The following PCDH9 variants were observed in gnomAD, a reference collection of about 807,000 sequenced individuals.
PCDH9 encodes protocadherin-9.
PCDH9 carries 24 observed loss-of-function variants against 70.6 expected under a neutral mutation model. That is an observed-to-expected ratio of 0.34 (90% CI 0.25 to 0.48). The LOEUF (loss-of-function observed/expected upper bound fraction) is 0.48, where lower values mean the gene tolerates loss of function less well. Ranked by LOEUF, PCDH9 falls within the 20% of genes least tolerant of loss-of-function variation. PCDH9 has a pLI of 0.99. For synonymous variants in PCDH9, 562 were observed against 558.5 expected, an observed-to-expected ratio of 1.01 and a Z score of -0.09; for missense variants, 1,281 against 1,503.6, an observed-to-expected ratio of 0.85 and a Z score of 2.45.
intron 4 of PCDH9, among the ~76,000 whole-genome samples, chr13:66,492,341 A>G (rs1410127347): frequency 6.6e-6 from 1 of 151,428 alleles, no homozygotes; most frequent in Non-Finnish European, 1.5e-5. Context: ...TTTTTCTCCA[A>G]TCAATATATA....
At chr13:66,789,911 A>G (rs1391362449) in intron 3 of PCDH9, among the ~76,000 whole-genome samples, 2 of 152,150 alleles carry the variant, frequency 1.3e-5, no homozygotes, top group Non-Finnish European at 2.9e-5. Flanking sequence ...TCAGCAAAAA[A>G]TTCTGTCTAT....
At chr13:67,091,543 G>T (rs1195718435) in intron 2 of PCDH9, among the ~76,000 whole-genome samples, 1 of 152,124 alleles carries the variant, frequency 6.6e-6, no homozygotes, top group East Asian at 1.9e-4. Flanking sequence ...TGAGATGGCA[G>T]CCACAGCCTT....
chr13:66,485,738 T>G (rs1411256307), intron 4 of PCDH9, among the ~76,000 whole-genome samples: 2 of 151,986 alleles, frequency 1.3e-5, no homozygotes, highest in Non-Finnish European at 2.9e-5. Context: ...ATTTATTTAT[T>G]TTTTATTTTT....
intron 2 of PCDH9, among the ~76,000 whole-genome samples, chr13:66,992,533 C>T (rs2084024182): frequency 1.3e-5 from 2 of 152,168 alleles, no homozygotes; most frequent in Non-Finnish European, 1.5e-5. Flanking sequence ...TATATGTCAG[C>T]ACACTTCTGT....
At chr13:66,839,411 G>T (rs937408869) in intron 3 of PCDH9, among the ~76,000 whole-genome samples, 1 of 152,172 alleles carries the variant, frequency 6.6e-6, no homozygotes, top group African/African-American at 2.4e-5. Flanking sequence ...TTTCTAGTCA[G>T]TCAGGCTACA....
intron 2 of PCDH9, among the ~76,000 whole-genome samples, chr13:66,955,757 A>C (rs1314001276): frequency 6.6e-6 from 1 of 152,180 alleles, no homozygotes; most frequent in Non-Finnish European, 1.5e-5. Flanking sequence ...TCAAGGGAGA[A>C]ATTGCGTTTG....
intron 2 of PCDH9, among the ~76,000 whole-genome samples, chr13:67,125,382 G>A (rs938316647): frequency 6.6e-6 from 1 of 152,170 alleles, no homozygotes; most frequent in East Asian, 1.9e-4. Flanking sequence ...GTGTATGGGG[G>A]TGTAGGACAT....
At chr13:66,594,783 A>T (rs2077081824) in intron 4 of PCDH9, among the ~76,000 whole-genome samples, 1 of 151,704 alleles carries the variant, frequency 6.6e-6, no homozygotes, top group Non-Finnish European at 1.5e-5. Context: ...TAGTTTGCAG[A>T]GGATAATGGC....
chr13:67,004,684 C>G (rs935922880), intron 2 of PCDH9, among the ~76,000 whole-genome samples: 2 of 151,896 alleles, frequency 1.3e-5, no homozygotes, highest in Non-Finnish European at 2.9e-5. Flanking sequence ...TCCATGGAGT[C>G]CAGGTTGGAA....
chr13:66,729,536 A>G, intron 3 of PCDH9, among the ~76,000 whole-genome samples: 1 of 152,160 alleles, frequency 6.6e-6, no homozygotes, highest in Non-Finnish European at 1.5e-5. Context: ...AAACTTCTCA[A>G]AATGTTTTAC....
chr13:66,942,193 A>G (rs1167113385), intron 2 of PCDH9, among the ~76,000 whole-genome samples: 1 of 151,956 alleles, frequency 6.6e-6, no homozygotes, highest in Non-Finnish European at 1.5e-5. Flanking sequence ...TTTATACCAG[A>G]AAATATTCCT....
chr13:66,597,255 G>GA (rs891178868), intron 4 of PCDH9, among the ~76,000 whole-genome samples: 10 of 151,410 alleles, frequency 6.6e-5, no homozygotes, highest in African/African-American at 2.2e-4. Context: ...TACAGAAATG[G>GA]AAAAAAATCC....
At chr13:67,151,677 T>C (rs2087665148) in intron 2 of PCDH9, among the ~76,000 whole-genome samples, 1 of 151,500 alleles carries the variant, frequency 6.6e-6, no homozygotes, top group Non-Finnish European at 1.5e-5. Context: ...GCTTTTGCTC[T>C]ATACTTAGAG....
At chr13:66,882,042 T>A (rs977077500) in intron 3 of PCDH9, among the ~76,000 whole-genome samples, 1 of 152,224 alleles carries the variant, frequency 6.6e-6, no homozygotes, top group Admixed American at 6.5e-5. Context: ...TAACTTACTA[T>A]TGTATTGAAT....
intron 3 of PCDH9, among the ~76,000 whole-genome samples, chr13:66,806,048 T>C (rs1282510178): frequency 6.6e-6 from 1 of 152,116 alleles, no homozygotes; most frequent in Non-Finnish European, 1.5e-5. Context: ...TTTTAATAGT[T>C]CTAATCCAGG....
chr13:66,601,059 C>T (rs1301747568), intron 4 of PCDH9, among the ~76,000 whole-genome samples: 1 of 144,946 alleles, frequency 6.9e-6, no homozygotes, highest in East Asian at 1.9e-4. Context: ...TGAAGTCAGG[C>T]TATGAGAAAA....
chr13:66,580,346 T>C (rs890545116), intron 4 of PCDH9, among the ~76,000 whole-genome samples: 1 of 151,982 alleles, frequency 6.6e-6, no homozygotes, highest in African/African-American at 2.4e-5. Flanking sequence ...TCTAGTGTTA[T>C]ATTCAGTTTT....
In PCDH9 at chr13:67,022,106, C is replaced by CTTTT. The variant is rs71110623; in HGVS notation, c.3037-118505_3037-118502dup. 2.0e-4 allele frequency among the ~76,000 whole-genome samples: 7 copies of CTTTT among 35,408 alleles called. 3 individuals are homozygous for CTTTT. Among genetic ancestry groups the CTTTT allele is most frequent in the African/African-American group, 9.0e-4 (7 of 7,782 alleles). 23.2% of individuals were successfully genotyped at this position (35,408 alleles called of 152,430 possible). ...GTCAAAGGGTGGACAAGGTGATGTT[C>CTTTT]TTTTTTTTTTTTTTTTTTTTTTTTT... On this transcript the variant is annotated intron_variant, in intron 2 of 4. Transcript: ENST00000377865.
chr13:66,814,908 T>C (rs1377320265), intron 3 of PCDH9, among the ~76,000 whole-genome samples: 1 of 151,886 alleles, frequency 6.6e-6, no homozygotes, highest in Non-Finnish European at 1.5e-5. Context: ...AATTAACAAA[T>C]GAAACCAAAT....
Sources: gnomAD v4.1 joint callset for allele counts (sites outside exome capture counted in the v4.1 genomes callset) on GRCh38, gnomAD v4.1.1 for gene constraint, MANE v1.5 for transcripts, NCBI Gene and HGNC (gene_info 2026-07-23, HGNC 2026-07-21) for gene names.